The following PRPH2 variants were observed in gnomAD, a reference collection of about 807,000 sequenced individuals.
PRPH2 encodes the protein peripherin 2, also known as peripherin-2.
Under a neutral mutation model 31.3 loss-of-function variants are expected in PRPH2, and 17 were observed. The observed-to-expected ratio is 0.54, with a 90% CI of 0.37 to 0.81. PRPH2 has a LOEUF of 0.81. PRPH2 is among the 40% of genes least tolerant of loss of function. PRPH2 has a pLI of 0.00. For missense variants in PRPH2, 430 were observed against 439.7 expected, an observed-to-expected ratio of 0.98 and a Z score of 0.20; for synonymous variants, 165 against 184.4, an observed-to-expected ratio of 0.89 and a Z score of 0.85.
intron 1 of PRPH2, among the ~76,000 whole-genome samples, chr6:42,719,619 G>A (rs560518704): frequency 7.4e-6 from 1 of 135,704 alleles, no homozygotes; most frequent in Admixed American, 8.4e-5. Context: ...TGCCCAGGCT[G>A]GAGTGCAATG....
At chr6:42,716,223 T>C (rs1300648659) in intron 1 of PRPH2, among the ~76,000 whole-genome samples, 5 of 151,862 alleles carry the variant, frequency 3.3e-5, no homozygotes, top group African/African-American at 1.2e-4. Flanking sequence ...CCGAACCTCT[T>C]TGTTGGCTCA....
chr6:42,705,759 G>T (rs533943614), intron 1 of PRPH2, among the ~76,000 whole-genome samples: 174 of 149,880 alleles, frequency 1.2e-3, no homozygotes, highest in African/African-American at 4.1e-3. Context: ...AAGAGATCGA[G>T]ACCATCCTGG....
chr6:42,704,653 T>G, intron 1 of PRPH2, 42 bp from the exon 2 acceptor site: 1 of 1,614,038 alleles, frequency 6.2e-7, no homozygotes, highest in Non-Finnish European at 8.5e-7. Context: ...TTCCCGGGCT[T>G]CTCAACAGGG....
Position 42,698,180 on chromosome 6 carries a change from T to A in PRPH2, c.*115A>T. On this transcript the variant is annotated 3_prime_UTR_variant, in exon 3 of 3. Transcript: ENST00000230381. ...ATTCCACCGTCAGGGAGAGTCTCTG[T>A]AAGATGGTGCCCTCCTTGGGAGATT... The A allele has an allele frequency of 2.8e-6, 4 of 1,417,400 alleles. No individual in the cohort carries two copies. The highest frequency in any genetic ancestry group is 3.9e-6 in the Non-Finnish European group (4 of 1,030,512). 87.8% of individuals were successfully genotyped at this position (1,417,400 alleles called of 1,614,324 possible). A position where few individuals can be genotyped will look rare whatever the true frequency, so the allele number is the denominator to read the frequency against.
chr6:42,708,668 G>A (rs1800217159), intron 1 of PRPH2, among the ~76,000 whole-genome samples: 1 of 152,212 alleles, frequency 6.6e-6, no homozygotes, highest in Non-Finnish European at 1.5e-5. Context: ...CCTACAGGCT[G>A]TCCCTGGAGC....
At chr6:42,704,087 G>A (rs962537489) in intron 2 of PRPH2, among the ~76,000 whole-genome samples, 1 of 147,014 alleles carries the variant, frequency 6.8e-6, no homozygotes, top group Non-Finnish European at 1.5e-5. Context: ...GCAACACAGA[G>A]AGACTCAGCC....
chr6:42,719,886 T>G (rs1761866137), intron 1 of PRPH2, among the ~76,000 whole-genome samples: 1 of 152,182 alleles, frequency 6.6e-6, no homozygotes, highest in Non-Finnish European at 1.5e-5. Context: ...GTCTTTATAC[T>G]ATCATTACAC....
intron 2 of PRPH2, 121 bp from the exon 3 acceptor site, chr6:42,698,628 A>G: frequency 7.2e-7 from 1 of 1,397,280 alleles, no homozygotes. Context: ...AGCACTGTGG[A>G]GTGTGGGTTG....
At position 42,712,013 on chromosome 6, in the gene PRPH2, C is replaced by A. The variant is rs374009638; in HGVS notation, c.582-7402G>T. 3.1e-6 allele frequency: 3 copies of A among 968,790 alleles called. No homozygotes were observed. The African/African-American group carries it at 5.3e-5, about 17-fold the overall frequency. The allele number at this position is 968,790 out of a possible 1,614,324, so 60.0% of individuals were successfully genotyped here. On this transcript the variant is annotated intron_variant, in intron 1 of 2. Coordinates refer to ENST00000230381, the MANE Select transcript of PRPH2 (RefSeq NM_000322.5). ...ATGTGCTACGGTAAGATACACAGAG[C>A]GGCACTGTAGGAAATGTTCTTGCCA...
At chr6:42,707,885 G>C (rs1800196999) in intron 1 of PRPH2, among the ~76,000 whole-genome samples, 1 of 152,270 alleles carries the variant, frequency 6.6e-6, no homozygotes, top group Non-Finnish European at 1.5e-5. Context: ...ACAAGAGCCG[G>C]ACAGCCTGGG....
intron 1 of PRPH2, among the ~76,000 whole-genome samples, chr6:42,707,245 G>T (rs9357402): frequency 0.54 from 81,395 of 151,934 alleles, 21,986 homozygotes; most frequent in African/African-American, 0.61. Context: ...ATTTTTGTTT[G>T]TTAATGAGCT....
intron 1 of PRPH2, among the ~76,000 whole-genome samples, chr6:42,715,730 G>T (rs942777463): frequency 6.6e-6 from 1 of 152,138 alleles, no homozygotes; most frequent in African/African-American, 2.4e-5. Flanking sequence ...ATATGGAATT[G>T]TTTCTGCCTG....
chr6:42,703,121 G>A (rs989727026), intron 2 of PRPH2, among the ~76,000 whole-genome samples: 1 of 151,882 alleles, frequency 6.6e-6, no homozygotes, highest in African/African-American at 2.4e-5. Context: ...CTGAGCCCAG[G>A]AGTTCAAGGC....
At chr6:42,699,653 G>A (rs1800013753) in intron 2 of PRPH2, among the ~76,000 whole-genome samples, 1 of 152,162 alleles carries the variant, frequency 6.6e-6, no homozygotes, top group African/African-American at 2.4e-5. Context: ...GGAGGCCAAG[G>A]TGGAGGGAGG....
In PRPH2 at chr6:42,721,949, G is replaced by A; in HGVS notation, c.386C>T (p.Thr129Ile). Residue 129 changes from threonine to isoleucine, a missense_variant, in exon 1 of 3, where the codon ACC becomes ATC. Transcript: ENST00000230381. Reference protein sequence around the residue: ...CFLLRGSLENTLGQGLKNGMK... With the variant: ...CFLLRGSLENILGQGLKNGMK... ...GCCGTTCTTGAGCCCTTGGCCCAGG[G>A]TGTTCTCCAGCGAGCCCCGAAGCAG... 7 of 1,614,046 alleles carry A rather than the reference G, an allele frequency of 4.3e-6. No homozygotes were observed. Among genetic ancestry groups the A allele is most frequent in the South Asian group, 1.1e-5 (1 of 91,068 alleles).
At chr6:42,706,740 GATGTCC>G (rs1488379955) in intron 1 of PRPH2, among the ~76,000 whole-genome samples, 2 of 152,132 alleles carry the variant, frequency 1.3e-5, no homozygotes. Context: ...TCTCTTAAAA[GATGTCC>G]ATCTTTTGCT....
Position 42,698,321 on chromosome 6 carries a change from C to T in PRPH2, c.1015G>A (p.Ala339Thr), listed in dbSNP as rs760687443. The change falls in exon 3 of 3, where the codon GCA (alanine) becomes ACA (threonine). Residue 339 changes from alanine to threonine, a missense_variant. Coordinates refer to ENST00000230381, the MANE Select transcript of PRPH2 (RefSeq NM_000322.5). Reference sequence around the variant, plus strand: ...CAGCCAGCCTCTGGGGCCTGGCCTGCGTCTGCGCCCTCGGCTTCCACCTGG... The same window carrying T: ...CAGCCAGCCTCTGGGGCCTGGCCTGTGTCTGCGCCCTCGGCTTCCACCTGG... ...GNQVEAEGAD[A>T]GQAPEAG is the part of the protein sequence containing the mutation. The T allele has an allele frequency of 3.3e-5, 54 of 1,613,280 alleles. No homozygotes were observed. Among genetic ancestry groups the T allele is most frequent in the African/African-American group, 3.1e-4 (23 of 74,904 alleles).
chr6:42,719,431 C>T (rs186863197), intron 1 of PRPH2, among the ~76,000 whole-genome samples: 2 of 152,218 alleles, frequency 1.3e-5, no homozygotes, highest in East Asian at 3.9e-4. Flanking sequence ...ACCTTGGCCT[C>T]CCAAAGTGTT....
intron 1 of PRPH2, 120 bp downstream of exon 1, chr6:42,721,634 G>A: frequency 8.6e-7 from 1 of 1,160,332 alleles, no homozygotes; most frequent in Non-Finnish European, 1.3e-6. Context: ...GCAGCAATAA[G>A]TTGTGCACCC....
Sources: gnomAD v4.1 joint callset for allele counts (sites outside exome capture counted in the v4.1 genomes callset) on GRCh38, gnomAD v4.1.1 for gene constraint, MANE v1.5 for transcripts, NCBI Gene and HGNC (gene_info 2026-07-23, HGNC 2026-07-21) for gene names.